Variants in PDGFD observed in about 807,000 individuals in gnomAD.
PDGFD encodes the protein platelet-derived growth factor D.
A neutral mutation model predicts 44.7 loss-of-function variants in PDGFD; 30 were observed. The observed-to-expected ratio is 0.67, with a 90% confidence interval of 0.50 to 0.91. The LOEUF (loss-of-function observed/expected upper bound fraction) is 0.91, where lower values mean the gene tolerates loss of function less well. Among genes scored for constraint, PDGFD ranks in the 40% least tolerant of loss-of-function variants. The pLI is 0.00. For missense variants in PDGFD, 445 were observed against 457.8 expected, an observed-to-expected ratio of 0.97 and a Z score of 0.25; for synonymous variants, 173 against 168.4, an observed-to-expected ratio of 1.03 and a Z score of -0.21.
intron 5 of PDGFD, among the ~76,000 whole-genome samples, chr11:103,941,178 C>G (rs1286136794): frequency 1.3e-5 from 2 of 151,972 alleles, no homozygotes; most frequent in Non-Finnish European, 2.9e-5. Flanking sequence ...CCAGTCTCAC[C>G]CCATTGAGAT....
chr11:104,161,697 T>A (rs1862390233), intron 1 of PDGFD, among the ~76,000 whole-genome samples: 1 of 152,208 alleles, frequency 6.6e-6, no homozygotes, highest in Admixed American at 6.5e-5. Flanking sequence ...TATCTAAGAT[T>A]GTGTTCACCC....
chr11:104,093,205 A>C (rs2134438617), intron 1 of PDGFD, among the ~76,000 whole-genome samples: 1 of 152,192 alleles, frequency 6.6e-6, no homozygotes, highest in South Asian at 2.1e-4. Context: ...TTCAAGATGA[A>C]AAGTTACATT....
At chr11:104,005,665 C>T (rs1343024818) in intron 1 of PDGFD, among the ~76,000 whole-genome samples, 1 of 152,208 alleles carries the variant, frequency 6.6e-6, no homozygotes, top group Non-Finnish European at 1.5e-5. Flanking sequence ...TTAATCCTCA[C>T]AACAACCCCA....
intron 1 of PDGFD, among the ~76,000 whole-genome samples, chr11:104,113,774 G>T (rs1344015461): frequency 6.6e-6 from 1 of 151,958 alleles, no homozygotes; most frequent in Non-Finnish European, 1.5e-5. Context: ...ATTCTTGTCA[G>T]CATTTGGTGT....
intron 1 of PDGFD, among the ~76,000 whole-genome samples, chr11:104,052,205 G>A (rs2134407216): frequency 1.3e-5 from 2 of 152,160 alleles, no homozygotes; most frequent in Middle Eastern, 6.8e-3. Context: ...TACTCCTTTT[G>A]ATGGCTGAAG....
At chr11:103,956,850 T>C (rs1360499297) in intron 3 of PDGFD, among the ~76,000 whole-genome samples, 2 of 152,218 alleles carry the variant, frequency 1.3e-5, no homozygotes, top group African/African-American at 4.8e-5. Flanking sequence ...TTTGGCTGCA[T>C]AGATGTCTTC....
intron 1 of PDGFD, among the ~76,000 whole-genome samples, chr11:104,046,850 T>C (rs1341867931): frequency 6.8e-6 from 1 of 146,568 alleles, no homozygotes. Context: ...CATCAACCTG[T>C]CATCTACATT....
intron 3 of PDGFD, among the ~76,000 whole-genome samples, chr11:103,955,661 C>A (rs1858831513): frequency 6.6e-6 from 1 of 152,062 alleles, no homozygotes; most frequent in Non-Finnish European, 1.5e-5. Context: ...GTCTAAGAAT[C>A]AATAATTAAC....
intron 1 of PDGFD, among the ~76,000 whole-genome samples, chr11:104,103,800 A>G (rs1861432888): frequency 6.6e-6 from 1 of 152,128 alleles, no homozygotes. Context: ...GGTGCATTAC[A>G]TAGTACTTGA....
At chr11:103,979,167 A>G (rs1311514285) in intron 3 of PDGFD, among the ~76,000 whole-genome samples, 2 of 152,094 alleles carry the variant, frequency 1.3e-5, no homozygotes, top group Non-Finnish European at 2.9e-5. Flanking sequence ...ATTATACTCT[A>G]TAGCTAAAGC....
At chr11:103,958,408 T>C (rs1591094802) in intron 3 of PDGFD, among the ~76,000 whole-genome samples, 1 of 152,210 alleles carries the variant, frequency 6.6e-6, no homozygotes, top group East Asian at 1.9e-4. Context: ...TCTGATTCAA[T>C]TCACCAGTGG....
intron 1 of PDGFD, among the ~76,000 whole-genome samples, chr11:104,158,984 C>T (rs1267244583): frequency 6.6e-6 from 1 of 151,760 alleles, no homozygotes; most frequent in Non-Finnish European, 1.5e-5. Context: ...GAAACCCCGT[C>T]TCCACTAAAA....
In PDGFD at chr11:104,037,609, G is replaced by A. The variant is rs114046986; in HGVS notation, c.125-37354C>T. On this transcript the variant is annotated intron_variant, in intron 1 of 6. Coordinates refer to ENST00000393158, the MANE Select transcript of PDGFD (RefSeq NM_025208.5). ...TTTGAAGGCTTTTGTTGACTCGGGC[G>A]CCCAGATGACCATTATGAGCCAGGC... 1.1e-5 allele frequency: 18 copies of A among 1,614,086 alleles called. No homozygotes were observed. In the East Asian group the frequency reaches 2.2e-4, roughly 20 times the overall value.
intron 1 of PDGFD, among the ~76,000 whole-genome samples, chr11:104,139,538 G>T (rs1424066929): frequency 6.6e-5 from 10 of 152,116 alleles, no homozygotes; most frequent in African/African-American, 2.4e-4. Flanking sequence ...AAAGACTAAA[G>T]ACTAACACAA....
At chr11:104,044,175 G>A (rs866815876) in intron 1 of PDGFD, among the ~76,000 whole-genome samples, 6 of 152,250 alleles carry the variant, frequency 3.9e-5, no homozygotes, top group Middle Eastern at 3.4e-3. Context: ...AAATGCTTGG[G>A]CATTTATAAA....
intron 1 of PDGFD, among the ~76,000 whole-genome samples, chr11:104,074,374 C>T (rs893628549): frequency 2.6e-5 from 4 of 152,158 alleles, no homozygotes; most frequent in Admixed American, 2.6e-4. Flanking sequence ...GCAAGTGATA[C>T]AAGTGCCTAG....
intron 1 of PDGFD, among the ~76,000 whole-genome samples, chr11:104,013,487 G>A (rs753552696): frequency 1.6e-4 from 24 of 152,084 alleles, no homozygotes; most frequent in Non-Finnish European, 2.6e-4. Context: ...GCACCCGCTC[G>A]CCTGCATGCT....
At chr11:103,923,952 C>T (rs1213708071) in intron 6 of PDGFD, among the ~76,000 whole-genome samples, 2 of 152,132 alleles carry the variant, frequency 1.3e-5, no homozygotes, top group African/African-American at 2.4e-5. Flanking sequence ...TCCACTCATG[C>T]GACTGAACAA....
At chr11:103,977,897 T>G (rs2134349246) in intron 3 of PDGFD, among the ~76,000 whole-genome samples, 1 of 152,096 alleles carries the variant, frequency 6.6e-6, no homozygotes, top group East Asian at 1.9e-4. Context: ...TCATACAAAC[T>G]GAAATGTGGT....
Sources: allele counts gnomAD v4.1 joint callset (sites outside exome capture counted in the v4.1 genomes callset), GRCh38; gene constraint gnomAD v4.1.1; transcripts MANE v1.5; gene names NCBI Gene and HGNC (gene_info 2026-07-23, HGNC 2026-07-21).